Variants in ELOVL7 observed in about 807,000 individuals in gnomAD.
ELOVL7 encodes the protein ELOVL fatty acid elongase 7.
A neutral mutation model predicts 35.7 loss-of-function variants in ELOVL7; 27 were observed. The ratio of observed to expected loss-of-function variants is 0.76; its 90% CI spans 0.56 to 1.04. ELOVL7 has a LOEUF of 1.04. ELOVL7 is among the 50% of genes least tolerant of loss of function. The pLI, the probability that ELOVL7 is intolerant of heterozygous loss-of-function variation, is 0.00. For synonymous variants in ELOVL7, 113 were observed against 114.6 expected (o/e 0.99, Z 0.09); for missense variants, 327 against 340.8 (o/e 0.96, Z 0.32).
At chr5:60,824,609 C>T (rs1746067038) in intron 1 of ELOVL7, among the ~76,000 whole-genome samples, 1 of 152,210 alleles carries the variant, frequency 6.6e-6, no homozygotes, top group Non-Finnish European at 1.5e-5. Context: ...AGAAAGCCTC[C>T]ATTTCTTTCT....
rs945007840 is a variant in ELOVL7 at position 60,753,612 on chromosome 5, C to T, written c.*1012G>A. ...TAGTTGCTTCACAGCCACTCTAACT[C>T]ATATCTGGAAACTGTGTACAATGGG... On this transcript the variant is annotated 3_prime_UTR_variant, in exon 9 of 9. Transcript: ENST00000508821. 4 of 152,126 alleles carry T rather than the reference C, an allele frequency of 2.6e-5. No individual in the cohort carries two copies. The highest frequency in any genetic ancestry group is 9.7e-5 in the African/African-American group (4 of 41,416). The allele number at this position is 152,126 out of a possible 1,614,324, so 9.4% of individuals were successfully genotyped here. A position where few individuals can be genotyped will look rare whatever the true frequency, so the allele number is the denominator to read the frequency against.
At chr5:60,780,705 G>C (rs937147365) in intron 3 of ELOVL7, among the ~76,000 whole-genome samples, 7 of 152,174 alleles carry the variant, frequency 4.6e-5, no homozygotes, top group African/African-American at 1.4e-4. Context: ...GAGAGAATGA[G>C]TGCCAGCAGG....
At chr5:60,760,799 C>T (rs1741863624) in intron 7 of ELOVL7, among the ~76,000 whole-genome samples, 1 of 152,094 alleles carries the variant, frequency 6.6e-6, no homozygotes. Flanking sequence ...TTTAATCCAT[C>T]TTGAATTAAT....
chr5:60,810,062 G>A (rs1353593954), intron 1 of ELOVL7, among the ~76,000 whole-genome samples: 1 of 152,176 alleles, frequency 6.6e-6, no homozygotes, highest in East Asian at 1.9e-4. Flanking sequence ...CTATCGCTCA[G>A]TGAGAAAAAA....
intron 8 of ELOVL7, among the ~76,000 whole-genome samples, chr5:60,756,993 A>G (rs745513853): frequency 6.6e-6 from 1 of 152,168 alleles, no homozygotes; most frequent in Non-Finnish European, 1.5e-5. Context: ...CATTGCTTAT[A>G]TAAGGGCAGT....
At chr5:60,761,828 T>C (rs1161198026) in intron 7 of ELOVL7, among the ~76,000 whole-genome samples, 1 of 152,020 alleles carries the variant, frequency 6.6e-6, no homozygotes, top group African/African-American at 2.4e-5. Context: ...ATTGTAGCAG[T>C]TAGGGCATTT....
At chr5:60,840,976 A>C (rs922095141) in intron 1 of ELOVL7, among the ~76,000 whole-genome samples, 4 of 151,834 alleles carry the variant, frequency 2.6e-5, no homozygotes, top group Non-Finnish European at 5.9e-5. Context: ...AAAAATGCTT[A>C]CTAGGTATTA....
intron 1 of ELOVL7, among the ~76,000 whole-genome samples, chr5:60,831,549 T>C (rs1045258833): frequency 2.0e-5 from 3 of 152,224 alleles, no homozygotes; most frequent in Admixed American, 1.3e-4. Flanking sequence ...GAGAATCTTA[T>C]TAGCGTAGCC....
intron 2 of ELOVL7, among the ~76,000 whole-genome samples, chr5:60,792,935 T>G (rs1443799868): frequency 6.6e-6 from 1 of 152,202 alleles, no homozygotes; most frequent in Admixed American, 6.5e-5. Flanking sequence ...GATGCATCCC[T>G]GCCTCATCCG....
At chr5:60,781,567 T>G (rs1252840955) in intron 3 of ELOVL7, among the ~76,000 whole-genome samples, 1 of 152,202 alleles carries the variant, frequency 6.6e-6, no homozygotes, top group African/African-American at 2.4e-5. Context: ...TAAAATAATT[T>G]TAAAATAAAT....
intron 1 of ELOVL7, among the ~76,000 whole-genome samples, chr5:60,809,600 G>A (rs1209183421): frequency 6.6e-6 from 1 of 152,216 alleles, no homozygotes; most frequent in Non-Finnish European, 1.5e-5. Flanking sequence ...ATAGTAGAGT[G>A]AAGGACAGAT....
chr5:60,779,010 G>A (rs1047831710), intron 3 of ELOVL7, among the ~76,000 whole-genome samples: 3 of 152,210 alleles, frequency 2.0e-5, no homozygotes, highest in African/African-American at 7.2e-5. Context: ...CAGTAGGGCA[G>A]TCATTAAATC....
At chr5:60,822,013 G>C (rs995528100) in intron 1 of ELOVL7, among the ~76,000 whole-genome samples, 3 of 152,236 alleles carry the variant, frequency 2.0e-5, no homozygotes, top group Non-Finnish European at 4.4e-5. Context: ...AATGCCTTCA[G>C]GTGTGTTCTT....
In ELOVL7 at chr5:60,796,919, T is replaced by C. The variant is rs376240151; in HGVS notation, c.-35+2261A>G. Among the ~76,000 whole-genome samples the C allele has an allele frequency of 2.3e-4, 35 of 152,346 alleles. 1 individual carries two copies. The highest frequency in any genetic ancestry group is 7.9e-4 in the African/African-American group (33 of 41,580). ...ATTTACTACGGACATTTTCAGCTTA[T>C]GGTTTATAAAACAAGAACAATTCCA... is the stretch of plus-strand genomic sequence containing the variant. On this transcript the variant is annotated intron_variant, in intron 2 of 8. Transcript: ENST00000508821.
chr5:60,816,489 T>C (rs1745526020), intron 1 of ELOVL7, among the ~76,000 whole-genome samples: 1 of 152,156 alleles, frequency 6.6e-6, no homozygotes, highest in Non-Finnish European at 1.5e-5. Context: ...GGTGAACTCC[T>C]GGAGGGCAAA....
intron 2 of ELOVL7, among the ~76,000 whole-genome samples, chr5:60,795,286 T>C (rs1445048968): frequency 6.6e-6 from 1 of 152,076 alleles, no homozygotes; most frequent in African/African-American, 2.4e-5. Context: ...TTCCTAAGCC[T>C]AGCTGGGGAA....
intron 4 of ELOVL7, among the ~76,000 whole-genome samples, chr5:60,770,967 TG>T (rs1162288305): frequency 1.3e-5 from 2 of 152,184 alleles, no homozygotes; most frequent in Non-Finnish European, 1.5e-5. Context: ...ACCAAAGTGC[TG>T]GGATTACAGG....
At chr5:60,807,460 C>T (rs571306744) in intron 1 of ELOVL7, among the ~76,000 whole-genome samples, 9 of 150,658 alleles carry the variant, frequency 6.0e-5, no homozygotes, top group Admixed American at 2.0e-4. Context: ...GGGAAAGAGA[C>T]AGCAAAGCAC....
chr5:60,841,044 T>A (rs912939540), intron 1 of ELOVL7, among the ~76,000 whole-genome samples: 1 of 121,954 alleles, frequency 8.2e-6, no homozygotes, highest in Non-Finnish European at 1.7e-5. Flanking sequence ...TTTTTTTTTT[T>A]AAGACAGAGT....
Sources: allele counts gnomAD v4.1 joint callset (sites outside exome capture counted in the v4.1 genomes callset), GRCh38; gene constraint gnomAD v4.1.1; transcripts MANE v1.5; gene names NCBI Gene and HGNC (gene_info 2026-07-23, HGNC 2026-07-21).